Variants in SPATS1 observed in about 807,000 individuals in gnomAD.
The protein encoded by SPATS1 is spermatogenesis associated serine rich 1, also known as spermatogenesis-associated serine-rich protein 1.
In SPATS1, 23 loss-of-function variants were observed where a neutral mutation model predicts 33.6. That is an observed-to-expected ratio of 0.68 (90% confidence interval 0.49 to 0.97). The LOEUF (loss-of-function observed/expected upper bound fraction) is 0.97. SPATS1 is among the 50% of genes least tolerant of loss of function. The pLI is 0.00. For missense variants in SPATS1, 327 were observed against 361.0 expected, an observed-to-expected ratio of 0.91 and a Z score of 0.76; for synonymous variants, 131 against 125.6, an observed-to-expected ratio of 1.04 and a Z score of -0.29.
intron 3 of SPATS1, among the ~76,000 whole-genome samples, chr6:44,358,973 G>A (rs1276541086): frequency 1.3e-5 from 2 of 152,046 alleles, no homozygotes; most frequent in Admixed American, 6.6e-5. Flanking sequence ...TAAAGAAATG[G>A]GATTTCACTC....
At chr6:44,362,366 A>C (rs1788973901) in intron 5 of SPATS1, among the ~76,000 whole-genome samples, 1 of 152,218 alleles carries the variant, frequency 6.6e-6, no homozygotes, top group African/African-American at 2.4e-5. Context: ...TATATTCTCC[A>C]CAAGGAAAAC....
chr6:44,354,111 G>A (rs1230619821), intron 3 of SPATS1, among the ~76,000 whole-genome samples: 2 of 150,904 alleles, frequency 1.3e-5, no homozygotes, highest in African/African-American at 4.9e-5. Flanking sequence ...CAGCACTTTG[G>A]GAGGTTGAGG....
intron 4 of SPATS1, 107 bp from the exon 5 acceptor site, chr6:44,361,724 A>G: frequency 6.9e-7 from 1 of 1,441,822 alleles, no homozygotes; most frequent in Non-Finnish European, 9.6e-7. Flanking sequence ...CATTAATTAA[A>G]GTTATATAGC....
chr6:44,346,174 C>G (rs1319012105), intron 2 of SPATS1, among the ~76,000 whole-genome samples: 1 of 151,600 alleles, frequency 6.6e-6, no homozygotes, highest in Admixed American at 6.6e-5. Flanking sequence ...GCCCATGGTC[C>G]CAGCTACTTG....
At chr6:44,363,151 A>C (rs1583088551) in intron 5 of SPATS1, among the ~76,000 whole-genome samples, 1 of 112,040 alleles carries the variant, frequency 8.9e-6, no homozygotes, top group Non-Finnish European at 2.0e-5. Flanking sequence ...TTTTTTTTTT[A>C]AGACAAGGTC....
chr6:44,361,961 G>A lies in SPATS1; in HGVS notation c.543G>A (p.Thr181=), dbSNP rs371949352. 2.0e-5 allele frequency: 33 copies of A among 1,614,084 alleles called. No individual in the cohort carries two copies. In the African/African-American group the frequency reaches 3.1e-4, roughly 15 times the overall value. Residue 181 remains threonine (T), a synonymous_variant, in exon 5 of 9, where the codon ACG becomes ACA. Transcript: ENST00000674044. ...LGNKRSLSER[T]VDKCFGRKKY... is the part of the protein sequence containing the mutation. ...ACAAGAGGTCTCTATCAGAGAGGAC[G>A]GTGGACAAGTGCTTTGGGAGAAAGA...
At chr6:44,351,296 A>G (rs913958410) in intron 2 of SPATS1, among the ~76,000 whole-genome samples, 14 of 152,288 alleles carry the variant, frequency 9.2e-5, no homozygotes, top group African/African-American at 2.6e-4. Flanking sequence ...CATATGTTAT[A>G]TTCGAATACT....
intron 7 of SPATS1, among the ~76,000 whole-genome samples, chr6:44,372,880 T>G (rs950227834): frequency 1.3e-5 from 2 of 152,232 alleles, no homozygotes; most frequent in Non-Finnish European, 2.9e-5. Flanking sequence ...TCTTTAGGGA[T>G]AGTTTAACTC....
chr6:44,345,079 T>C (rs1044331944), intron 2 of SPATS1, among the ~76,000 whole-genome samples: 6 of 151,986 alleles, frequency 3.9e-5, no homozygotes, highest in African/African-American at 1.5e-4. Context: ...CTCTATGCAG[T>C]GGGAGCATCA....
intron 3 of SPATS1, among the ~76,000 whole-genome samples, chr6:44,356,253 TG>T: frequency 6.6e-6 from 1 of 152,226 alleles, no homozygotes; most frequent in Admixed American, 6.5e-5. Flanking sequence ...GCTCATCCAA[TG>T]GGGGATCAAG....
At chr6:44,355,899 C>G (rs7738562) in intron 3 of SPATS1, among the ~76,000 whole-genome samples, 119,120 of 152,098 alleles carry the variant, frequency 0.78, 46,754 homozygotes, top group Admixed American at 0.81. Context: ...TGGGGAACTG[C>G]GTGATTGCTG....
chr6:44,365,412 C>G (rs1191632752), intron 5 of SPATS1, among the ~76,000 whole-genome samples: 2 of 152,212 alleles, frequency 1.3e-5, no homozygotes, highest in African/African-American at 4.8e-5. Flanking sequence ...GCCGCAGTAA[C>G]AGTCCCTGAA....
intron 2 of SPATS1, 27 bp from the exon 3 acceptor site, chr6:44,352,699 T>C: frequency 3.1e-6 from 5 of 1,605,854 alleles, no homozygotes; most frequent in Non-Finnish European, 4.3e-6. Flanking sequence ...AATAATGTAA[T>C]TAAATGGTGA....
intron 7 of SPATS1, among the ~76,000 whole-genome samples, chr6:44,373,881 T>C: frequency 6.6e-6 from 1 of 152,166 alleles, no homozygotes; most frequent in East Asian, 1.9e-4. Flanking sequence ...GGTGGTGAGG[T>C]AATGGAGGCA....
intron 5 of SPATS1, among the ~76,000 whole-genome samples, chr6:44,363,711 C>T (rs893364773): frequency 6.7e-6 from 1 of 148,368 alleles, no homozygotes; most frequent in East Asian, 2.0e-4. Flanking sequence ...TCCCTCCTTC[C>T]TTCCTTTTTC....
chr6:44,366,417 C>T (rs1020158152), intron 5 of SPATS1, among the ~76,000 whole-genome samples: 4 of 152,134 alleles, frequency 2.6e-5, no homozygotes, highest in Non-Finnish European at 5.9e-5. Context: ...AGCCACTGCG[C>T]CTGGCCACCA....
chr6:44,372,770 C>A (rs868779735), intron 7 of SPATS1, among the ~76,000 whole-genome samples: 16 of 152,146 alleles, frequency 1.1e-4, no homozygotes, highest in Non-Finnish European at 1.5e-4. Flanking sequence ...TTGTGGTCTT[C>A]TTTTAAAGAG....
chr6:44,362,287 T>C (rs184990999), intron 5 of SPATS1, among the ~76,000 whole-genome samples: 3 of 152,342 alleles, frequency 2.0e-5, no homozygotes, highest in Non-Finnish European at 2.9e-5. Context: ...GAAACCTCCA[T>C]TGAAGTCTGA....
At chr6:44,369,108 G>A (rs1321793801) in intron 6 of SPATS1, among the ~76,000 whole-genome samples, 6 of 152,056 alleles carry the variant, frequency 3.9e-5, no homozygotes, top group Non-Finnish European at 8.8e-5. Flanking sequence ...ATGTTAGCCA[G>A]GATGGTCTTG....
Sources: gnomAD v4.1 joint callset for allele counts (sites outside exome capture counted in the v4.1 genomes callset) on GRCh38, gnomAD v4.1.1 for gene constraint, MANE v1.5 for transcripts, NCBI Gene and HGNC (gene_info 2026-07-23, HGNC 2026-07-21) for gene names.